ESYT3: variants seen among roughly 807,000 people sequenced by gnomAD.
The protein encoded by ESYT3 is extended synaptotagmin 3.
A neutral mutation model predicts 111.5 loss-of-function variants in ESYT3; 101 were observed. The observed-to-expected ratio is 0.91, with a 90% CI of 0.77 to 1.07. The LOEUF (loss-of-function observed/expected upper bound fraction) is 1.07, where lower values mean the gene tolerates loss of function less well. ESYT3 is among the 50% of genes least tolerant of loss of function. The pLI, the probability that ESYT3 is intolerant of heterozygous loss-of-function variation, is 0.00. For missense variants in ESYT3, 1,097 were observed against 1,109.4 expected (o/e 0.99, Z 0.16); for synonymous variants, 416 against 446.8 (o/e 0.93, Z 0.87).
chr3:138,456,188 A>G (rs2032267151), intron 3 of ESYT3, among the ~76,000 whole-genome samples: 1 of 152,218 alleles, frequency 6.6e-6, no homozygotes, highest in Non-Finnish European at 1.5e-5. Context: ...CTGTTGGTTC[A>G]TGCATTCATT....
chr3:138,454,506 G>A (rs527689093), intron 2 of ESYT3, among the ~76,000 whole-genome samples: 65 of 152,244 alleles, frequency 4.3e-4, no homozygotes, highest in African/African-American at 1.3e-3. Context: ...GCAGTGAGCC[G>A]AGGTCGTGCC....
chr3:138,466,043 T>C (rs11709290), intron 10 of ESYT3, among the ~76,000 whole-genome samples: 100,343 of 152,096 alleles, frequency 0.66, 33,921 homozygotes, highest in Admixed American at 0.78. Flanking sequence ...ATTGCCAAAC[T>C]ACAGAATATT....
At chr3:138,457,476 G>C in intron 3 of ESYT3, 92 bp from the exon 4 acceptor site, 4 of 1,095,228 alleles carry the variant, frequency 3.7e-6, no homozygotes, top group Non-Finnish European at 5.6e-6. Context: ...GGTCATGCTC[G>C]TTGCTGACAA....
At position 138,470,113 on chromosome 3, in the gene ESYT3, GCA is replaced by G. The variant is rs1257878409; in HGVS notation, c.1560_1561del (p.His520GlnfsTer5). On this transcript the variant is annotated frameshift_variant, in exon 16 of 23. Coordinates refer to ENST00000389567, the MANE Select transcript of ESYT3 (RefSeq NM_031913.5). LOFTEE classifies it high-confidence loss of function. ...VWSQVFSFFV[H>X]NVATERLHLK... ...GGAGCCAGGTGTTCTCCTTCTTTGT[GCA>G]CAATGTGGCCACTGAGCGGCTCCAT... 6.2e-7 allele frequency: 1 copy of G among 1,612,770 alleles called. No individual in the cohort carries two copies. The highest frequency in any genetic ancestry group is 1.3e-5 in the African/African-American group (1 of 74,872).
At position 138,455,208 on chromosome 3, in the gene ESYT3, C is replaced by G; in HGVS notation, c.384C>G (p.Thr128=). Residue 128 remains threonine (T), a synonymous_variant, in exon 3 of 23, where the codon ACC becomes ACG. Transcript: ENST00000389567. ...VEWANKIISQ[T]WPYLSMIMES... is the part of the protein sequence containing the mutation. ...CGTCTTCACAGATCATCTCTCAGAC[C>G]TGGCCCTACCTAAGCATGATCATGG... 6.2e-7 allele frequency: 1 copy of G among 1,614,186 alleles called. No individual in the cohort carries two copies. Among genetic ancestry groups the G allele is most frequent in the Non-Finnish European group, 8.5e-7 (1 of 1,180,040 alleles).
At chr3:138,475,839 T>C (rs535785511) in intron 20 of ESYT3, among the ~76,000 whole-genome samples, 45 of 152,224 alleles carry the variant, frequency 3.0e-4, no homozygotes, top group Non-Finnish European at 4.9e-4. Flanking sequence ...TGAGGCAGAA[T>C]TGATTGAACC....
At chr3:138,469,326 T>C in intron 14 of ESYT3, 110 bp from the exon 15 acceptor site, 1 of 894,998 alleles carries the variant, frequency 1.1e-6, no homozygotes, top group South Asian at 1.5e-5. Flanking sequence ...CAAAGAGAAG[T>C]AACTGGGTGG....
intron 14 of ESYT3, 116 bp downstream of exon 14, chr3:138,468,997 A>G: frequency 1.8e-6 from 2 of 1,107,644 alleles, no homozygotes; most frequent in Non-Finnish European, 2.8e-6. Context: ...GCCTGGGGAT[A>G]ACAAGAGGTG....
chr3:138,453,873 G>A (rs2032100607), intron 2 of ESYT3, among the ~76,000 whole-genome samples: 1 of 152,186 alleles, frequency 6.6e-6, no homozygotes, highest in African/African-American at 2.4e-5. Flanking sequence ...TTGTTTTTGA[G>A]ATGGAGTCTT....
Position 138,468,128 on chromosome 3 carries a change from C to G in ESYT3, c.1242C>G (p.Thr414=). Residue 414 remains threonine (T), a synonymous_variant, in exon 12 of 23, where the codon ACC becomes ACG. Transcript: ENST00000389567. ...AGTGGTTTGTCCTGAATGACACAAC[C>G]AGCGGGCGGCTGCACCTGCGGCTGG... ...VDEWFVLNDT[T]SGRLHLRLEW... 1 of 1,614,148 alleles carries G rather than the reference C, an allele frequency of 6.2e-7. No individual in the cohort carries two copies. The highest frequency in any genetic ancestry group is 8.5e-7 in the Non-Finnish European group (1 of 1,180,034).
chr3:138,480,116 G>A (rs1446846315), downstream of ESYT3: 1 of 152,142 alleles, frequency 6.6e-6, no homozygotes, highest in Non-Finnish European at 1.5e-5. Flanking sequence ...CAAAACGTAG[G>A]AGGGGAAAGC....
chr3:138,454,541 G>A (rs2032149558), intron 2 of ESYT3, among the ~76,000 whole-genome samples: 1 of 152,148 alleles, frequency 6.6e-6, no homozygotes, highest in East Asian at 1.9e-4. Context: ...TGGGCAACAA[G>A]AGCGAAACTC....
At chr3:138,474,190 T>C (rs948281833) in intron 19 of ESYT3, 31 bp from the exon 20 acceptor site, 18 of 1,594,230 alleles carry the variant, frequency 1.1e-5, no homozygotes, top group Non-Finnish European at 1.5e-5. Flanking sequence ...GCCCTTTTTT[T>C]TTTTTCCTAA....
intron 8 of ESYT3, chr3:138,462,562 A>C (rs539608765): frequency 1.3e-5 from 5 of 394,254 alleles, no homozygotes; most frequent in Non-Finnish European, 2.3e-5. Context: ...TACATTTCCA[A>C]AGTCCAATTA....
At chr3:138,460,477 G>A in intron 6 of ESYT3, 134 bp from the exon 7 acceptor site, 1 of 946,842 alleles carries the variant, frequency 1.1e-6, no homozygotes, top group Non-Finnish European at 1.7e-6. Context: ...AGGGTGCTCT[G>A]CCTGCTTTCC....
At chr3:138,469,561 A>G in intron 15 of ESYT3, 57 bp downstream of exon 15, 1 of 1,458,900 alleles carries the variant, frequency 6.9e-7, no homozygotes, top group Non-Finnish European at 9.6e-7. Flanking sequence ...AGCCCTTCTC[A>G]GGGAGAGAGG....
intron 7 of ESYT3, among the ~76,000 whole-genome samples, chr3:138,461,603 G>A (rs1023696035): frequency 4.6e-5 from 7 of 152,204 alleles, no homozygotes; most frequent in African/African-American, 1.2e-4. Flanking sequence ...TATTTACACC[G>A]TGCCAGCCCT....
intron 5 of ESYT3, 106 bp from the exon 6 acceptor site, chr3:138,459,839 G>A: frequency 1.1e-6 from 1 of 939,904 alleles, no homozygotes; most frequent in Non-Finnish European, 1.6e-6. Flanking sequence ...CTGACATGTG[G>A]GGCAGCGTGG....
chr3:138,436,112 AT>A (rs2030663362), intron 1 of ESYT3, among the ~76,000 whole-genome samples: 1 of 152,198 alleles, frequency 6.6e-6, no homozygotes, highest in Non-Finnish European at 1.5e-5. Flanking sequence ...TGAGAAAAAA[AT>A]ATAAGGCCCA....
Sources: gnomAD v4.1 joint callset for allele counts (sites outside exome capture counted in the v4.1 genomes callset) on GRCh38, gnomAD v4.1.1 for gene constraint, MANE v1.5 for transcripts, NCBI Gene and HGNC (gene_info 2026-07-23, HGNC 2026-07-21) for gene names.